Variants in TENM3 observed in about 807,000 individuals in gnomAD.
The protein encoded by TENM3 is teneurin-3.
TENM3 carries 63 observed loss-of-function variants against 255.1 expected under a neutral mutation model. The ratio of observed to expected loss-of-function variants is 0.25; its 90% confidence interval spans 0.20 to 0.30. The LOEUF is 0.30. Ranked by LOEUF, TENM3 falls within the 10% of genes least tolerant of loss-of-function variation. TENM3 has a pLI of 1.00. For synonymous variants in TENM3, 1,306 were observed against 1,322.3 expected (o/e 0.99, Z 0.27); for missense variants, 2,929 against 3,461.1 (o/e 0.85, Z 3.86).
the TENM3 span, among the ~76,000 whole-genome samples, chr4:181,534,729 C>A: frequency 6.6e-6 from 1 of 152,136 alleles, no homozygotes; most frequent in African/African-American, 2.4e-5. Flanking sequence ...CCGCTGGAGT[C>A]AGTAAAGAAC....
At chr4:181,566,848 T>G in the TENM3 span, among the ~76,000 whole-genome samples, 2 of 152,218 alleles carry the variant, frequency 1.3e-5, no homozygotes, top group African/African-American at 2.4e-5. Flanking sequence ...ATTAGGCTGC[T>G]TCGCCACATC....
intron 3 of TENM3, among the ~76,000 whole-genome samples, chr4:182,540,239 G>A (rs1740727684): frequency 1.3e-5 from 2 of 152,162 alleles, no homozygotes; most frequent in Non-Finnish European, 2.9e-5. Flanking sequence ...TAAAATTCAA[G>A]ATGTTGTATA....
intron 1 of TENM3, among the ~76,000 whole-genome samples, chr4:182,210,331 G>T (rs1016458056): frequency 6.6e-6 from 1 of 151,918 alleles, no homozygotes; most frequent in African/African-American, 2.4e-5. Context: ...TTCAAAATAG[G>T]CTTCTTTTCC....
At chr4:181,584,931 G>A in the TENM3 span, among the ~76,000 whole-genome samples, 37 of 149,528 alleles carry the variant, frequency 2.5e-4, no homozygotes, top group Admixed American at 8.8e-4. Flanking sequence ...GTCGGGATGC[G>A]GTAAAGCTAA....
At chr4:181,882,731 A>G in the TENM3 span, among the ~76,000 whole-genome samples, 5 of 152,226 alleles carry the variant, frequency 3.3e-5, no homozygotes, top group Non-Finnish European at 7.3e-5. Flanking sequence ...GCTGCTAGAA[A>G]GGACTTCAGT....
intron 12 of TENM3, among the ~76,000 whole-genome samples, chr4:182,691,783 T>G (rs1304063642): frequency 1.3e-5 from 2 of 152,182 alleles, no homozygotes; most frequent in Admixed American, 6.5e-5. Context: ...CCAGAAAGCA[T>G]TCATGATTAT....
intron 1 of TENM3, among the ~76,000 whole-genome samples, chr4:182,202,479 A>G (rs1449668522): frequency 6.6e-6 from 1 of 151,568 alleles, no homozygotes; most frequent in Non-Finnish European, 1.5e-5. Flanking sequence ...CTACTTTTAT[A>G]TTTTTAATAG....
chr4:182,023,730 A>G, the TENM3 span, among the ~76,000 whole-genome samples: 2 of 152,230 alleles, frequency 1.3e-5, no homozygotes, highest in South Asian at 2.1e-4. Context: ...TTTGTGAACA[A>G]TATACCACAA....
the TENM3 span, among the ~76,000 whole-genome samples, chr4:181,544,408 T>TAAAAAAAAAAAAAAAAAAAAAA: frequency 1.2e-4 from 8 of 68,668 alleles, no homozygotes; most frequent in African/African-American, 3.7e-4. Flanking sequence ...CCTTCAGGAT[T>TAAAAAAAAAAAAAAAAAAAAAA]AAAAAAAAAA....
At chr4:182,046,340 C>T in the TENM3 span, among the ~76,000 whole-genome samples, 1 of 151,898 alleles carries the variant, frequency 6.6e-6, no homozygotes, top group Non-Finnish European at 1.5e-5. Context: ...TAATATACCT[C>T]CCTACTATTG....
chr4:182,162,922 C>A lies in TENM3; in HGVS notation c.-76+18168C>A, dbSNP rs13122617. ...GGAGATTAACTTTCAATATGAACTT[C>A]GGAGGGACACAAATAATCAAAGCAT... On this transcript the variant is annotated intron_variant, in intron 1 of 2. Transcript: ENST00000512480. Among the ~76,000 whole-genome samples the A allele has an allele frequency of 2.0e-4, 30 of 152,038 alleles. 1 individual carries two copies. Among genetic ancestry groups the A allele is most frequent in the East Asian group, 5.8e-4 (3 of 5,158 alleles).
At position 182,472,261 on chromosome 4, in the gene TENM3, A is replaced by C. The variant is rs535350348; in HGVS notation, c.511+125332A>C. 3.1e-4 allele frequency among the ~76,000 whole-genome samples: 47 copies of C among 152,162 alleles called. No homozygotes were observed. In the South Asian group the frequency reaches 9.8e-3, roughly 32 times the overall value. ...CATATTTTTTGAACCTTACTTTCTC[A>C]ATTTACTAATTTGTAATTTCTACTC... On this transcript the variant is annotated intron_variant, in intron 3 of 27. Coordinates refer to ENST00000511685, the MANE Select transcript of TENM3 (RefSeq NM_001080477.4).
intron 3 of TENM3, 28 bp from the exon 4 acceptor site, chr4:182,600,896 T>A: frequency 9.4e-7 from 1 of 1,064,982 alleles, no homozygotes; most frequent in Non-Finnish European, 1.4e-6. Context: ...GAGTTCTCTT[T>A]CTTTTTTTTT....
intron 3 of TENM3, among the ~76,000 whole-genome samples, chr4:182,580,102 T>C (rs548482634): frequency 6.6e-6 from 1 of 152,310 alleles, no homozygotes; most frequent in South Asian, 2.1e-4. Context: ...TCAGCTTTGA[T>C]TTTTTTATGT....
At chr4:181,596,475 T>C in the TENM3 span, among the ~76,000 whole-genome samples, 1 of 152,260 alleles carries the variant, frequency 6.6e-6, no homozygotes, top group East Asian at 1.9e-4. Context: ...AGTAGCCGCC[T>C]CCAGGTCTCT....
intron 1 of TENM3, among the ~76,000 whole-genome samples, chr4:182,165,700 TG>T (rs1751657842): frequency 2.0e-5 from 3 of 152,224 alleles, no homozygotes. Flanking sequence ...TGCAGCACAT[TG>T]GGTGGAAACC....
rs112687749 is a variant in TENM3 at position 182,254,819 on chromosome 4, T to A, written c.-76+11343T>A. ...AAAACAATACAATCAACAGTGAAGA[T>A]AATATATCAAATATATCAGTGCCCA... is the stretch of plus-strand genomic sequence containing the variant. On this transcript the variant is annotated intron_variant, in intron 1 of 27. Coordinates refer to ENST00000511685, the MANE Select transcript of TENM3 (RefSeq NM_001080477.4). Among the ~76,000 whole-genome samples, 614 of 152,276 alleles carry A rather than the reference T, an allele frequency of 4.0e-3. 6 individuals carry two copies. Among genetic ancestry groups the A allele is most frequent in the Non-Finnish European group, 6.1e-3 (413 of 68,026 alleles).
chr4:181,577,708 T>G, the TENM3 span, among the ~76,000 whole-genome samples: 1 of 152,170 alleles, frequency 6.6e-6, no homozygotes, highest in Non-Finnish European at 1.5e-5. Flanking sequence ...GTTTACATTT[T>G]ATTACATGCT....
the TENM3 span, among the ~76,000 whole-genome samples, chr4:181,551,832 ATGTATATGTGTGTGTGTGTGTGTGTGTG>A: frequency 4.9e-5 from 1 of 20,490 alleles, no homozygotes; most frequent in Non-Finnish European, 1.2e-4. Context: ...ATATATATAT[ATGTATATGTGTGTGTGTGTGTGTGTGTG>A]TGTGTGTGTG....
Sources: gnomAD v4.1 joint callset for allele counts (sites outside exome capture counted in the v4.1 genomes callset) on GRCh38, gnomAD v4.1.1 for gene constraint, MANE v1.5 for transcripts, NCBI Gene and HGNC (gene_info 2026-07-23, HGNC 2026-07-21) for gene names.